TENM1: variants seen among roughly 807,000 people sequenced by gnomAD.
TENM1 encodes the protein teneurin-1.
Under a neutral mutation model 174.8 loss-of-function variants are expected in TENM1, and 35 were observed. That is an observed-to-expected ratio of 0.20 (90% CI 0.15 to 0.27). TENM1 has a LOEUF of 0.27. TENM1 is among the 10% of genes least tolerant of loss of function. The probability of loss-of-function intolerance (pLI) is 1.00; values close to 1 mark genes in which losing one functional copy is unlikely to be tolerated. For synonymous variants in TENM1, 781 were observed against 798.7 expected (o/e 0.98, Z 0.37); for missense variants, 1,633 against 2,130.1 (o/e 0.77, Z 4.59).
At chrX:124,439,049 G>A (rs1475404751) in intron 23 of TENM1, among the ~76,000 whole-genome samples, 1 of 111,240 alleles carries the variant, frequency 9.0e-6, no homozygotes, top group Admixed American at 9.6e-5. Context: ...AAAAACAGAA[G>A]TCATTAGTTA....
chrX:124,717,338 T>G (rs1464921742), intron 4 of TENM1, among the ~76,000 whole-genome samples: 3 of 111,967 alleles, frequency 2.7e-5, no homozygotes, highest in Non-Finnish European at 5.6e-5. Context: ...CCCCACTGCC[T>G]GCAGCCATAG....
At chrX:124,445,752 A>G (rs886292531) in intron 23 of TENM1, among the ~76,000 whole-genome samples, 5 of 112,467 alleles carry the variant, frequency 4.4e-5, no homozygotes, top group African/African-American at 1.6e-4. Context: ...TGGGAAAAGC[A>G]TTAGGCTGGC....
chrX:125,040,961 A>G, the TENM1 span, among the ~76,000 whole-genome samples: 4 of 111,679 alleles, frequency 3.6e-5, no homozygotes, highest in Non-Finnish European at 7.6e-5. Context: ...TCTCTTTTCT[A>G]TTAAAGATCA....
At chrX:124,691,764 GCT>G (rs899323603) in intron 5 of TENM1, among the ~76,000 whole-genome samples, 5 of 110,167 alleles carry the variant, frequency 4.5e-5, no homozygotes, top group Non-Finnish European at 9.5e-5. Flanking sequence ...ATTAATTTCT[GCT>G]ATATCTTTCT....
chrX:125,037,697 C>A, the TENM1 span, among the ~76,000 whole-genome samples: 1 of 111,723 alleles, frequency 9.0e-6, no homozygotes, highest in African/African-American at 3.2e-5. Context: ...CCTTCTCTCC[C>A]TGGCATATTT....
intron 27 of TENM1, among the ~76,000 whole-genome samples, chrX:124,403,312 A>T (rs1399602777): frequency 4.6e-5 from 5 of 109,884 alleles, no homozygotes; most frequent in African/African-American, 1.3e-4. Context: ...CGAGGTCAGG[A>T]GATCAAGACC....
intron 6 of TENM1, among the ~76,000 whole-genome samples, chrX:124,670,697 C>A (rs2051898329): frequency 9.0e-6 from 1 of 111,071 alleles, no homozygotes; most frequent in Non-Finnish European, 1.9e-5. Flanking sequence ...AACCCACAAA[C>A]AACCCCCCCG....
Position 124,520,785 on chromosome X carries a change from CTG to C in TENM1, c.3034-3_3034-2del. 9.0e-7 allele frequency: 1 copy of C among 1,111,173 alleles called. No homozygotes were observed. Among genetic ancestry groups the C allele is most frequent in the Non-Finnish European group, 1.2e-6 (1 of 853,992 alleles). 91.6% of individuals were successfully genotyped at this position (1,111,173 alleles called of 1,213,427 possible). The stretch of plus-strand genomic sequence containing the variant: ...GAATGGGAATTTCCTCCTGTACAAC[CTG>C]AAATAAAAAAAAAAAAAAAAAGCCA... On this transcript the variant is annotated splice_acceptor_variant and splice_polypyrimidine_tract_variant and intron_variant, in intron 17 of 31. Coordinates refer to ENST00000422452, the Ensembl canonical transcript of TENM1. LOFTEE classifies it high-confidence loss of function.
At chrX:124,600,468 T>C (rs775376627) in intron 11 of TENM1, among the ~76,000 whole-genome samples, 1 of 111,671 alleles carries the variant, frequency 9.0e-6, no homozygotes, top group East Asian at 2.8e-4. Context: ...TGATGAGCAA[T>C]ACATAGCTTC....
chrX:124,830,614 G>A (rs141790390), intron 3 of TENM1, among the ~76,000 whole-genome samples: 120 of 111,700 alleles, frequency 1.1e-3, no homozygotes, highest in African/African-American at 3.7e-3. Context: ...AGAAATAATT[G>A]GGTCGACTCA....
intron 11 of TENM1, among the ~76,000 whole-genome samples, chrX:124,594,195 C>G (rs887386504): frequency 1.8e-5 from 2 of 111,903 alleles, no homozygotes; most frequent in African/African-American, 6.5e-5. Flanking sequence ...GGGAAGCTCT[C>G]TGCCCCCTTG....
the TENM1 span, among the ~76,000 whole-genome samples, chrX:125,084,085 G>C: frequency 9.0e-6 from 1 of 111,112 alleles, no homozygotes; most frequent in Admixed American, 9.6e-5. Context: ...AAAAAGTTGA[G>C]AGGTAGATCT....
At chrX:124,953,568 C>T (rs1281325100) in intron 1 of TENM1, among the ~76,000 whole-genome samples, 1 of 111,380 alleles carries the variant, frequency 9.0e-6, no homozygotes, top group Non-Finnish European at 1.9e-5. Flanking sequence ...GAAAAAAAGA[C>T]AAAGCTCTTT....
chrX:124,789,854 G>A (rs758176172), intron 3 of TENM1, among the ~76,000 whole-genome samples: 4 of 111,553 alleles, frequency 3.6e-5, no homozygotes, highest in South Asian at 3.8e-4. Flanking sequence ...TTCCAAAGTC[G>A]CTTCCACATT....
chrX:124,489,201 C>G (rs2047014611), intron 20 of TENM1, among the ~76,000 whole-genome samples: 1 of 112,534 alleles, frequency 8.9e-6, no homozygotes, highest in South Asian at 3.6e-4. Context: ...GGCAATGGAC[C>G]AACTTGAAGC....
chrX:124,797,405 T>A (rs771649109), intron 3 of TENM1, among the ~76,000 whole-genome samples: 8 of 111,652 alleles, frequency 7.2e-5, no homozygotes, highest in Non-Finnish European at 1.5e-4. Context: ...AGTCACTAGG[T>A]ATTCCTAGAG....
intron 22 of TENM1, among the ~76,000 whole-genome samples, chrX:124,477,620 C>G (rs1330904151): frequency 3.6e-5 from 4 of 110,849 alleles, no homozygotes; most frequent in Non-Finnish European, 7.6e-5. Flanking sequence ...GGCGTGGTGG[C>G]CCCTTCCTGT....
At chrX:124,450,221 G>C (rs1035358518) in intron 23 of TENM1, among the ~76,000 whole-genome samples, 2 of 110,604 alleles carry the variant, frequency 1.8e-5, no homozygotes, top group East Asian at 2.9e-4. Flanking sequence ...TTAGCCGGGC[G>C]TGATGGCGGG....
At position 124,839,571 on chromosome X, in the gene TENM1, G is replaced by A. The variant is rs1469216357; in HGVS notation, c.535+54725C>T. Reference sequence around the variant, plus strand: ...CTAGGGAAAGAAAATGGAATACTCAGTGTACAAAAGGGTGATGAAAAGTCC... The same window carrying A: ...CTAGGGAAAGAAAATGGAATACTCAATGTACAAAAGGGTGATGAAAAGTCC... On this transcript the variant is annotated intron_variant, in intron 3 of 31. Transcript: ENST00000422452. 9.0e-5 allele frequency among the ~76,000 whole-genome samples: 10 copies of A among 111,586 alleles called. 1 individual carries two copies. In the East Asian group the frequency reaches 2.8e-3, roughly 31 times the overall value.
Sources: gnomAD v4.1 joint callset for allele counts (sites outside exome capture counted in the v4.1 genomes callset) on GRCh38, gnomAD v4.1.1 for gene constraint, MANE v1.5 for transcripts, NCBI Gene and HGNC (gene_info 2026-07-23, HGNC 2026-07-21) for gene names.